DLC1: variants seen among roughly 807,000 people sequenced by gnomAD.
DLC1 encodes rho GTPase-activating protein 7.
DLC1 carries 54 observed loss-of-function variants against 140.3 expected under a neutral mutation model. That is an observed-to-expected ratio of 0.38 (90% CI 0.31 to 0.48). The LOEUF is 0.48. Ranked by LOEUF, DLC1 falls within the 20% of genes least tolerant of loss-of-function variation. The pLI, the probability that DLC1 is intolerant of heterozygous loss-of-function variation, is 0.96. For missense variants in DLC1, 2,536 were observed against 1,907.0 expected (o/e 1.33, Z -6.14); for synonymous variants, 986 against 728.1 (o/e 1.35, Z -5.70).
intron 8 of DLC1, among the ~76,000 whole-genome samples, chr8:13,101,992 C>G (rs1490120715): frequency 2.0e-5 from 3 of 152,270 alleles, no homozygotes; most frequent in Admixed American, 6.5e-5. Flanking sequence ...GCGCTGGCTT[C>G]TAGGACTCTT....
chr8:13,143,892 A>T (rs1460990449), intron 5 of DLC1, among the ~76,000 whole-genome samples: 1 of 150,624 alleles, frequency 6.6e-6, no homozygotes, highest in Non-Finnish European at 1.5e-5. Context: ...TTCAGCCCAG[A>T]GCTGTTTGAG....
chr8:13,153,553 T>G (rs924276482), intron 5 of DLC1, among the ~76,000 whole-genome samples: 1 of 152,204 alleles, frequency 6.6e-6, no homozygotes, highest in Non-Finnish European at 1.5e-5. Flanking sequence ...CCTTATGTGG[T>G]CCCACCCACA....
intron 5 of DLC1, among the ~76,000 whole-genome samples, chr8:13,188,955 CT>C (rs1701824863): frequency 6.8e-6 from 1 of 147,422 alleles, no homozygotes; most frequent in African/African-American, 2.5e-5. Flanking sequence ...TCCCAAAGTG[CT>C]GGTATTACAG....
At chr8:13,440,682 G>A (rs959887924) in intron 2 of DLC1, among the ~76,000 whole-genome samples, 1 of 152,116 alleles carries the variant, frequency 6.6e-6, no homozygotes, top group African/African-American at 2.4e-5. Flanking sequence ...CCCATGTATG[G>A]AGGGATCTAG....
At chr8:13,212,257 G>A (rs887710096) in intron 5 of DLC1, among the ~76,000 whole-genome samples, 5 of 152,100 alleles carry the variant, frequency 3.3e-5, no homozygotes, top group Non-Finnish European at 5.9e-5. Context: ...TCAGCTTCCA[G>A]AATTCCCTCT....
chr8:13,250,044 G>A (rs1000975143), intron 5 of DLC1, among the ~76,000 whole-genome samples: 2 of 152,140 alleles, frequency 1.3e-5, no homozygotes, highest in Admixed American at 1.3e-4. Flanking sequence ...CTCTATTCCA[G>A]TACTGGACAG....
chr8:13,573,021 C>A (rs962065737), intron 1 of DLC1, among the ~76,000 whole-genome samples: 39 of 152,078 alleles, frequency 2.6e-4, no homozygotes, highest in African/African-American at 9.4e-4. Context: ...TGCCATTGGA[C>A]TTTTGATAGG....
intron 2 of DLC1, among the ~76,000 whole-genome samples, chr8:13,406,922 T>G (rs963509216): frequency 3.9e-5 from 6 of 152,220 alleles, no homozygotes; most frequent in Admixed American, 6.5e-5. Context: ...AATGCTGTGA[T>G]GTATGTCTCT....
intron 5 of DLC1, among the ~76,000 whole-genome samples, chr8:13,207,939 G>A (rs1336173033): frequency 6.6e-6 from 1 of 152,150 alleles, no homozygotes; most frequent in Non-Finnish European, 1.5e-5. Context: ...ACAGTTTGGA[G>A]GCCACTGTAA....
At chr8:13,533,429 C>T (rs979728) in intron 1 of DLC1, among the ~76,000 whole-genome samples, 54,375 of 151,946 alleles carry the variant, frequency 0.36, 10,463 homozygotes, top group East Asian at 0.58. Flanking sequence ...ATTTGGACCC[C>T]AGTTTTCTCA....
intron 1 of DLC1, among the ~76,000 whole-genome samples, chr8:13,526,062 C>G (rs1802914060): frequency 6.6e-6 from 1 of 152,028 alleles, no homozygotes; most frequent in Non-Finnish European, 1.5e-5. Flanking sequence ...GTTCCAAAAC[C>G]ATTTGTGACA....
At chr8:13,219,269 A>AATTAGAATATGAATATAACTATATT (rs1487622965) in intron 5 of DLC1, among the ~76,000 whole-genome samples, 1 of 138,586 alleles carries the variant, frequency 7.2e-6, no homozygotes, top group Non-Finnish European at 1.5e-5. Flanking sequence ...ATAACTATAT[A>AATTAGAATATGAATATAACTATATT]ATTATAATAT....
At chr8:13,188,237 A>G (rs1826500712) in intron 5 of DLC1, among the ~76,000 whole-genome samples, 1 of 151,694 alleles carries the variant, frequency 6.6e-6, no homozygotes, top group Non-Finnish European at 1.5e-5. Context: ...GCCGGCCACC[A>G]TGCCCAGCTA....
At position 13,416,002 on chromosome 8, in the gene DLC1, TTTC is replaced by T. The variant is rs1293860510; in HGVS notation, c.1024-14386_1024-14384del. ...TGGGAGTGGCACACCCTAAAATAAGTTTCTTATTTGTGAAAAGGAAAAAAGCCT... is the reference window on the plus strand; with the variant it reads ...TGGGAGTGGCACACCCTAAAATAAGTTTATTTGTGAAAAGGAAAAAAGCCT... On this transcript the variant is annotated intron_variant, in intron 2 of 17. Coordinates refer to ENST00000276297, the MANE Select transcript of DLC1 (RefSeq NM_182643.3). Among the ~76,000 whole-genome samples the T allele has an allele frequency of 2.0e-5, 3 of 152,236 alleles. No homozygotes were observed. The East Asian group carries it at 5.8e-4, about 29-fold the overall frequency.
chr8:13,174,471 C>T (rs769467376), intron 5 of DLC1, among the ~76,000 whole-genome samples: 1 of 152,210 alleles, frequency 6.6e-6, no homozygotes, highest in African/African-American at 2.4e-5. Context: ...AACTAAGGTA[C>T]ATTCCTACCA....
chr8:13,443,721 C>T (rs1798650820), intron 2 of DLC1, among the ~76,000 whole-genome samples: 1 of 151,448 alleles, frequency 6.6e-6, no homozygotes, highest in South Asian at 2.1e-4. Context: ...AAGCATTATG[C>T]TACACGCAGG....
At chr8:13,330,115 C>G (rs540877772) in intron 4 of DLC1, among the ~76,000 whole-genome samples, 1 of 152,110 alleles carries the variant, frequency 6.6e-6, no homozygotes, top group Non-Finnish European at 1.5e-5. Context: ...CAGGTGCACA[C>G]CACAATGTCT....
intron 2 of DLC1, among the ~76,000 whole-genome samples, chr8:13,445,326 T>A (rs377411782): frequency 1.4e-4 from 22 of 152,054 alleles, no homozygotes; most frequent in African/African-American, 5.1e-4. Context: ...TGTGGGAGGA[T>A]AAACGAATGA....
intron 1 of DLC1, among the ~76,000 whole-genome samples, chr8:13,512,017 C>A (rs1477442875): frequency 6.6e-6 from 1 of 151,772 alleles, no homozygotes; most frequent in African/African-American, 2.4e-5. Flanking sequence ...AGAAAAAATT[C>A]TTTTTTTTAA....
Sources: gnomAD v4.1 joint callset for allele counts (sites outside exome capture counted in the v4.1 genomes callset) on GRCh38, gnomAD v4.1.1 for gene constraint, MANE v1.5 for transcripts, NCBI Gene and HGNC (gene_info 2026-07-23, HGNC 2026-07-21) for gene names.